CLSTN2: variants seen among roughly 807,000 people sequenced by gnomAD.
The protein encoded by CLSTN2 is calsyntenin 2, also known as calsyntenin-2.
Under a neutral mutation model 101.2 loss-of-function variants are expected in CLSTN2, and 48 were observed. That is an observed-to-expected ratio of 0.47 (90% CI 0.38 to 0.60). CLSTN2 has a LOEUF of 0.60. Ranked by LOEUF, CLSTN2 falls within the 20% of genes least tolerant of loss-of-function variation. The probability of loss-of-function intolerance (pLI) is 0.00; values close to 1 mark genes in which losing one functional copy is unlikely to be tolerated. For missense variants in CLSTN2, 1,160 were observed against 1,238.2 expected, an observed-to-expected ratio of 0.94 and a Z score of 0.95; for synonymous variants, 481 against 463.6, an observed-to-expected ratio of 1.04 and a Z score of -0.48.
intron 1 of CLSTN2, among the ~76,000 whole-genome samples, chr3:139,952,878 C>T (rs1196117135): frequency 3.3e-5 from 5 of 152,086 alleles, no homozygotes; most frequent in African/African-American, 1.2e-4. Flanking sequence ...GGGTACTGGG[C>T]TTACGTTTGT....
intron 1 of CLSTN2, among the ~76,000 whole-genome samples, chr3:140,147,594 A>G (rs902747974): frequency 6.6e-5 from 10 of 152,214 alleles, no homozygotes; most frequent in African/African-American, 2.4e-4. Context: ...AATGATTTTC[A>G]TTGAACAATG....
At chr3:140,166,042 C>A (rs1354161936) in intron 1 of CLSTN2, among the ~76,000 whole-genome samples, 1 of 152,146 alleles carries the variant, frequency 6.6e-6, no homozygotes, top group African/African-American at 2.4e-5. Flanking sequence ...CTCTGCCTAT[C>A]TACTCTCAAA....
At chr3:140,056,504 C>T (rs757768648) in intron 1 of CLSTN2, among the ~76,000 whole-genome samples, 2 of 152,186 alleles carry the variant, frequency 1.3e-5, no homozygotes, top group Non-Finnish European at 2.9e-5. Context: ...CAGGACTGAA[C>T]TCTGTATCCT....
At chr3:140,541,350 A>C (rs349553) in intron 9 of CLSTN2, among the ~76,000 whole-genome samples, 138,581 of 152,302 alleles carry the variant, frequency 0.91, 63,122 homozygotes, top group Admixed American at 0.94. Context: ...GTCCCCAGTC[A>C]ACCTGAGTGG....
At chr3:140,169,260 A>G (rs2010177671) in intron 1 of CLSTN2, among the ~76,000 whole-genome samples, 1 of 152,172 alleles carries the variant, frequency 6.6e-6, no homozygotes. Context: ...CTATTGTAAC[A>G]GTATTTTTTT....
intron 1 of CLSTN2, among the ~76,000 whole-genome samples, chr3:140,063,895 G>A (rs919229658): frequency 5.3e-5 from 8 of 152,150 alleles, no homozygotes; most frequent in African/African-American, 7.2e-5. Flanking sequence ...AGAACAGCAC[G>A]GCCATTTGAC....
At chr3:140,246,893 C>T (rs980881188) in intron 2 of CLSTN2, among the ~76,000 whole-genome samples, 1 of 152,044 alleles carries the variant, frequency 6.6e-6, no homozygotes, top group African/African-American at 2.4e-5. Flanking sequence ...TTCAGATGGA[C>T]TTGGGACCGA....
rs1407014045 is a variant in CLSTN2, at chr3:140,566,695, T to C, written c.*442T>C. 1 of 195,784 alleles carries C rather than the reference T, an allele frequency of 5.1e-6. No individual in the cohort carries two copies. The highest frequency in any genetic ancestry group is 5.2e-5 in the Admixed American group (1 of 19,180). 12.1% of individuals were successfully genotyped at this position (195,784 alleles called of 1,614,324 possible). The stretch of plus-strand genomic sequence containing the variant: ...CCTATGCTGACTCCAGGTTGCTTCA[T>C]ACAAGGAGGGTGGTTGAACTTCACA... On this transcript the variant is annotated 3_prime_UTR_variant, in exon 17 of 17. Coordinates refer to ENST00000458420, the MANE Select transcript of CLSTN2 (RefSeq NM_022131.3).
chr3:140,138,232 CAGA>C (rs2009644251), intron 1 of CLSTN2, among the ~76,000 whole-genome samples: 1 of 152,146 alleles, frequency 6.6e-6, no homozygotes, highest in Admixed American at 6.5e-5. Flanking sequence ...CTCATGTGCT[CAGA>C]AGAAGGACCA....
chr3:140,549,438 T>C (rs897242333), intron 10 of CLSTN2, among the ~76,000 whole-genome samples: 16 of 151,546 alleles, frequency 1.1e-4, no homozygotes, highest in African/African-American at 3.9e-4. Flanking sequence ...CCACTGCAAA[T>C]GATCCTCTTC....
intron 4 of CLSTN2, among the ~76,000 whole-genome samples, chr3:140,418,737 C>T (rs1435670091): frequency 2.6e-5 from 4 of 151,930 alleles, no homozygotes; most frequent in East Asian, 1.9e-4. Flanking sequence ...ACGCTGGTCT[C>T]GAACTCCCGA....
chr3:140,099,785 G>T (rs751171022), intron 1 of CLSTN2, among the ~76,000 whole-genome samples: 3 of 152,186 alleles, frequency 2.0e-5, no homozygotes, highest in Non-Finnish European at 2.9e-5. Flanking sequence ...AAATCTATTT[G>T]CCAACCCTGA....
chr3:140,149,748 C>T (rs554565636), intron 1 of CLSTN2, among the ~76,000 whole-genome samples: 2 of 152,258 alleles, frequency 1.3e-5, no homozygotes, highest in Non-Finnish European at 2.9e-5. Flanking sequence ...TGAGCCACCG[C>T]GCCTGGCCAA....
At chr3:140,050,535 C>A (rs574835394) in intron 1 of CLSTN2, among the ~76,000 whole-genome samples, 1 of 152,314 alleles carries the variant, frequency 6.6e-6, no homozygotes, top group East Asian at 1.9e-4. Context: ...AGCCGAAGAG[C>A]TGCAGCTGTA....
chr3:140,166,312 G>C (rs557606888), intron 1 of CLSTN2, among the ~76,000 whole-genome samples: 2 of 152,210 alleles, frequency 1.3e-5, no homozygotes, highest in African/African-American at 4.8e-5. Context: ...TCTACTAGGA[G>C]ATCAGATCAG....
chr3:140,195,844 T>G (rs2010636376), intron 2 of CLSTN2, among the ~76,000 whole-genome samples: 2 of 152,232 alleles, frequency 1.3e-5, no homozygotes, highest in South Asian at 4.1e-4. Context: ...GTCTCAAAGA[T>G]GGGTGCTTTT....
intron 1 of CLSTN2, among the ~76,000 whole-genome samples, chr3:140,169,274 T>C (rs2010177856): frequency 6.6e-6 from 1 of 152,148 alleles, no homozygotes. Flanking sequence ...TTTTTTTAAT[T>C]GAAATTTCCA....
intron 2 of CLSTN2, among the ~76,000 whole-genome samples, chr3:140,284,504 G>T (rs1453163039): frequency 1.3e-5 from 2 of 152,204 alleles, no homozygotes; most frequent in East Asian, 1.9e-4. Flanking sequence ...ACCGCAGGGG[G>T]TTGCGGAGAT....
intron 1 of CLSTN2, among the ~76,000 whole-genome samples, chr3:140,166,980 C>T (rs2010145025): frequency 6.6e-6 from 1 of 152,050 alleles, no homozygotes; most frequent in African/African-American, 2.4e-5. Flanking sequence ...TCTGTTGGAA[C>T]AAAAAGACAA....
Sources: allele counts gnomAD v4.1 joint callset (sites outside exome capture counted in the v4.1 genomes callset), GRCh38; gene constraint gnomAD v4.1.1; transcripts MANE v1.5; gene names NCBI Gene and HGNC (gene_info 2026-07-23, HGNC 2026-07-21).